The following CSMD1 variants were observed in gnomAD, a reference collection of about 807,000 sequenced individuals.
CSMD1 encodes CUB and Sushi multiple domains 1.
CSMD1 carries 213 observed loss-of-function variants against 417.5 expected under a neutral mutation model. The ratio of observed to expected loss-of-function variants is 0.51; its 90% CI spans 0.46 to 0.57. CSMD1 has a LOEUF of 0.57. CSMD1 is among the 20% of genes least tolerant of loss of function. The pLI, the probability that CSMD1 is intolerant of heterozygous loss-of-function variation, is 0.00. For synonymous variants in CSMD1, 2,862 were observed against 1,736.8 expected (o/e 1.65, Z -16.11); for missense variants, 6,923 against 4,529.7 (o/e 1.53, Z -15.17).
Position 3,205,508 on chromosome 8 carries a change from T to C in CSMD1, c.4980A>G (p.Glu1660=), listed in dbSNP as rs779302805. ...ICLYSITVPK[E]FVVFGQFAYF... is the part of the protein sequence containing the mutation. ...AAAATACAAGGACATCCTTACCGAA[T>C]TCCTTTGGTACCGTGATGGAATAGA... The change falls in exon 31 of 70, where the codon GAA becomes GAG. Residue 1660 remains glutamate, a synonymous_variant. Coordinates refer to ENST00000635120, the MANE Select transcript of CSMD1 (RefSeq NM_033225.6). 14 of 1,497,556 alleles carry C rather than the reference T, an allele frequency of 9.3e-6. No homozygotes were observed. In the Admixed American group the frequency reaches 9.4e-5, roughly 10 times the overall value. 92.8% of individuals were successfully genotyped at this position (1,497,556 alleles called of 1,614,324 possible).
chr8:2,984,058 A>G (rs1001579883), intron 54 of CSMD1, among the ~76,000 whole-genome samples: 9 of 152,228 alleles, frequency 5.9e-5, no homozygotes, highest in Non-Finnish European at 1.2e-4. Flanking sequence ...GAAAAAAAAT[A>G]AAACCAACTT....
rs543214868 is a variant in CSMD1, at chr8:4,712,770, T to C, written c.86-75212A>G. 5.3e-5 allele frequency among the ~76,000 whole-genome samples: 8 copies of C among 152,328 alleles called. No homozygotes were observed. In the South Asian group the frequency reaches 1.0e-3, roughly 20 times the overall value. On this transcript the variant is annotated intron_variant, in intron 1 of 69. Coordinates refer to ENST00000635120, the MANE Select transcript of CSMD1 (RefSeq NM_033225.6). ...TGTTTTGTTTCCTCCTTCTTTCTTT[T>C]GGGACCACTGCCTGTTGGTTTCGTG...
chr8:4,011,503 T>TC lies in CSMD1; in HGVS notation c.611-13394dup, dbSNP rs147845410. Reference sequence around the variant, plus strand: ...ACATCCTCTCTTGAACCCACTTGAGTCAGAGTTTCACCCTCCTGGGTTTCC... The same window carrying TC: ...ACATCCTCTCTTGAACCCACTTGAGTCCAGAGTTTCACCCTCCTGGGTTTCC... On this transcript the variant is annotated intron_variant, in intron 4 of 69. Coordinates refer to ENST00000635120, the MANE Select transcript of CSMD1 (RefSeq NM_033225.6). Among the ~76,000 whole-genome samples the TC allele has an allele frequency of 5.2e-3, 795 of 152,238 alleles. 10 individuals carry two copies. Among genetic ancestry groups the TC allele is most frequent in the African/African-American group, 0.018 (740 of 41,526 alleles).
chr8:3,851,030 C>T (rs1308069461), intron 5 of CSMD1, among the ~76,000 whole-genome samples: 3 of 152,130 alleles, frequency 2.0e-5, no homozygotes, highest in African/African-American at 7.2e-5. Flanking sequence ...TGCAGTGATG[C>T]TCACATAACA....
chr8:4,082,757 C>T (rs896120948), intron 3 of CSMD1, among the ~76,000 whole-genome samples: 1 of 113,282 alleles, frequency 8.8e-6, no homozygotes, highest in African/African-American at 3.4e-5. Context: ...GATGCTATCC[C>T]TCCCCCCTCC....
intron 2 of CSMD1, among the ~76,000 whole-genome samples, chr8:4,560,914 T>G (rs1798301861): frequency 6.6e-6 from 1 of 152,184 alleles, no homozygotes; most frequent in African/African-American, 2.4e-5. Context: ...CAGGTTCACT[T>G]ATCAAAGATC....
chr8:3,214,578 T>C lies in CSMD1; in HGVS notation c.4786A>G (p.Ile1596Val), dbSNP rs1194522338. 1.3e-6 allele frequency: 2 copies of C among 1,582,358 alleles called. No homozygotes were observed. Among genetic ancestry groups the C allele is most frequent in the African/African-American group, 1.3e-5 (1 of 74,476 alleles). The change falls in exon 30 of 70, where the codon ATT (isoleucine) becomes GTT (valine). Residue 1596 changes from isoleucine to valine, a missense_variant. By Grantham distance (29) the Ile-to-Val change is conservative. Coordinates refer to ENST00000635120, the MANE Select transcript of CSMD1 (RefSeq NM_033225.6). ...ITYQCDSGYK[I>V]LDPSSITCVI... ...CAGGTGATGGATGAGGGGTCAAGAA[T>C]CTTATAGCCAGAGTCACACTGGTAG...
chr8:3,240,484 G>A (rs1299106833), intron 26 of CSMD1, among the ~76,000 whole-genome samples: 2 of 152,042 alleles, frequency 1.3e-5, no homozygotes, highest in Non-Finnish European at 2.9e-5. Flanking sequence ...GATTGGCAGG[G>A]AGAGCACGTG....
At chr8:4,109,217 G>A (rs1223338528) in intron 3 of CSMD1, among the ~76,000 whole-genome samples, 1 of 152,040 alleles carries the variant, frequency 6.6e-6, no homozygotes, top group Non-Finnish European at 1.5e-5. Flanking sequence ...AATATTTTCG[G>A]TATAGACACA....
intron 5 of CSMD1, among the ~76,000 whole-genome samples, chr8:3,828,961 C>A (rs1056991837): frequency 6.6e-6 from 1 of 152,296 alleles, no homozygotes; most frequent in Middle Eastern, 3.4e-3. Context: ...TTACATATGG[C>A]AACACAGTTC....
At chr8:2,960,541 G>C (rs892596606) in intron 62 of CSMD1, among the ~76,000 whole-genome samples, 2 of 152,082 alleles carry the variant, frequency 1.3e-5, no homozygotes, top group East Asian at 1.9e-4. Flanking sequence ...TCCACTTTTA[G>C]GTATTTCTCC....
At chr8:3,082,032 T>A (rs549403451) in intron 49 of CSMD1, among the ~76,000 whole-genome samples, 7 of 152,324 alleles carry the variant, frequency 4.6e-5, no homozygotes, top group African/African-American at 1.7e-4. Flanking sequence ...CCAACATATG[T>A]CATCCCAGAT....
chr8:3,770,926 G>A (rs1396286163), intron 5 of CSMD1, among the ~76,000 whole-genome samples: 1 of 152,062 alleles, frequency 6.6e-6, no homozygotes, highest in Non-Finnish European at 1.5e-5. Flanking sequence ...CAGATAGCTT[G>A]GTGAATCTCC....
intron 36 of CSMD1, among the ~76,000 whole-genome samples, chr8:3,181,762 T>C (rs1228656509): frequency 6.6e-6 from 1 of 152,190 alleles, no homozygotes; most frequent in African/African-American, 2.4e-5. Context: ...TATAGGGCTA[T>C]TTTGACATAG....
intron 1 of CSMD1, among the ~76,000 whole-genome samples, chr8:4,737,673 G>A (rs1810335123): frequency 6.6e-6 from 1 of 152,180 alleles, no homozygotes. Context: ...CAGGTTGGAT[G>A]AATGCAAGGA....
intron 3 of CSMD1, among the ~76,000 whole-genome samples, chr8:4,070,583 TC>T (rs1377391591): frequency 6.6e-6 from 1 of 152,110 alleles, no homozygotes; most frequent in Non-Finnish European, 1.5e-5. Flanking sequence ...GGTCTCGTTC[TC>T]CTGACCTCGT....
chr8:4,163,699 A>AT (rs1223556468), intron 3 of CSMD1, among the ~76,000 whole-genome samples: 2 of 152,128 alleles, frequency 1.3e-5, no homozygotes, highest in Non-Finnish European at 2.9e-5. Context: ...AAATAATAAA[A>AT]TTTTTTTATG....
chr8:4,777,058 G>C (rs1476422989), intron 1 of CSMD1, among the ~76,000 whole-genome samples: 2 of 152,130 alleles, frequency 1.3e-5, no homozygotes, highest in Non-Finnish European at 2.9e-5. Context: ...ACTCCAGCCT[G>C]TATCCTACTG....
chr8:3,757,811 C>G (rs932750275), intron 5 of CSMD1, among the ~76,000 whole-genome samples: 1 of 151,776 alleles, frequency 6.6e-6, no homozygotes, highest in Non-Finnish European at 1.5e-5. Context: ...ATCACACCAT[C>G]ACACTCCAGC....
Sources: gnomAD v4.1 joint callset for allele counts (sites outside exome capture counted in the v4.1 genomes callset) on GRCh38, gnomAD v4.1.1 for gene constraint, MANE v1.5 for transcripts, NCBI Gene and HGNC (gene_info 2026-07-23, HGNC 2026-07-21) for gene names.